Variants in PDS5B observed in about 807,000 individuals in gnomAD.
PDS5B encodes sister chromatid cohesion protein PDS5 homolog B.
In PDS5B, 51 loss-of-function variants were observed where a neutral mutation model predicts 184.1. That is an observed-to-expected ratio of 0.28 (90% CI 0.22 to 0.35). The LOEUF (loss-of-function observed/expected upper bound fraction) is 0.35, where lower values mean the gene tolerates loss of function less well. PDS5B is among the 10% of genes least tolerant of loss of function. The probability of loss-of-function intolerance (pLI) is 1.00; values close to 1 mark genes in which losing one functional copy is unlikely to be tolerated. For missense variants in PDS5B, 1,180 were observed against 1,723.3 expected (o/e 0.68, Z 5.58); for synonymous variants, 566 against 569.2 (o/e 0.99, Z 0.08).
intron 21 of PDS5B, among the ~76,000 whole-genome samples, chr13:32,735,868 A>T (rs1156419560): frequency 6.6e-6 from 1 of 152,138 alleles, no homozygotes; most frequent in Non-Finnish European, 1.5e-5. Flanking sequence ...AAGTAAACAT[A>T]ATATAAGTAG....
chr13:32,721,046 T>C (rs1300206494), intron 19 of PDS5B, among the ~76,000 whole-genome samples: 1 of 152,378 alleles, frequency 6.6e-6, no homozygotes, highest in East Asian at 1.9e-4. Flanking sequence ...TACTTCTTTC[T>C]ACACAGACAC....
chr13:32,720,298 G>A (rs553480313), intron 19 of PDS5B, among the ~76,000 whole-genome samples: 129 of 152,286 alleles, frequency 8.5e-4, no homozygotes, highest in Admixed American at 1.6e-3. Context: ...TTCCAACAAT[G>A]CTGTCTTGGT....
At chr13:32,620,789 G>A (rs2058289532) in intron 1 of PDS5B, among the ~76,000 whole-genome samples, 1 of 152,126 alleles carries the variant, frequency 6.6e-6, no homozygotes, top group Non-Finnish European at 1.5e-5. Context: ...GTCAGGTAAA[G>A]CTTTTCTTTT....
chr13:32,764,608 AT>A lies in PDS5B; in HGVS notation c.3624+16del, dbSNP rs1954524903. 1 of 1,389,048 alleles carries A rather than the reference AT, an allele frequency of 7.2e-7. No individual in the cohort carries two copies. The highest frequency in any genetic ancestry group is 1.5e-5 in the African/African-American group (1 of 68,618). 86.0% of individuals were successfully genotyped at this position (1,389,048 alleles called of 1,614,324 possible). On this transcript the variant is annotated intron_variant, in intron 31 of 34. Transcript: ENST00000315596. Reference sequence around the variant, plus strand: ...GATCTTGTAAGGGTGAGATATTTGCATTGATTTTATAATAATATTAATGATA... The same window carrying A: ...GATCTTGTAAGGGTGAGATATTTGCATGATTTTATAATAATATTAATGATA...
intron 10 of PDS5B, among the ~76,000 whole-genome samples, chr13:32,680,181 T>TG (rs957643971): frequency 6.6e-6 from 1 of 151,840 alleles, no homozygotes; most frequent in Admixed American, 6.6e-5. Flanking sequence ...TGATTAAGAG[T>TG]GGGGGGGCTA....
At chr13:32,599,914 CA>C (rs559279917) in intron 1 of PDS5B, among the ~76,000 whole-genome samples, 1 of 151,240 alleles carries the variant, frequency 6.6e-6, no homozygotes, top group Non-Finnish European at 1.5e-5. Flanking sequence ...GACTCTGTCT[CA>C]AAAAAAACAA....
chr13:32,640,652 G>A (rs1481100971), intron 1 of PDS5B, among the ~76,000 whole-genome samples: 1 of 152,088 alleles, frequency 6.6e-6, no homozygotes. Context: ...TTCTGAAAAT[G>A]CTTGTTTCAA....
chr13:32,767,438 TAAAAG>T (rs1954619803), intron 31 of PDS5B, among the ~76,000 whole-genome samples: 1 of 152,102 alleles, frequency 6.6e-6, no homozygotes, highest in African/African-American at 2.4e-5. Flanking sequence ...CTTAGAAAAA[TAAAAG>T]AAGCAATTGA....
Position 32,773,301 on chromosome 13 carries a change from G to A in PDS5B, c.4285G>A (p.Glu1429Lys). Residue 1429 changes from glutamate (E) to lysine (K), a missense_variant, in exon 34 of 35, where the codon GAG (glutamate) becomes AAG (lysine). Glu to Lys is a moderately conservative substitution (Grantham distance 56, BLOSUM62 1). Around this residue, in one of 11 missense-constraint regions of PDS5B, gnomAD observed 465 missense variants for 497.8 expected, o/e 0.93. Transcript: ENST00000315596. ...TGATATTCCACAGGAAGAAACAGAG[G>A]AGGAGGAAGTTTCTACAGTAAATGT... ...VDDIPQEETE[E>K]EEVSTVNVRR... 6.2e-7 allele frequency: 1 copy of A among 1,612,620 alleles called. No individual in the cohort carries two copies. The highest frequency in any genetic ancestry group is 8.5e-7 in the Non-Finnish European group (1 of 1,179,316).
intron 24 of PDS5B, among the ~76,000 whole-genome samples, 193 bp from the exon 25 acceptor site, chr13:32,753,139 T>TCC (rs1954046388): frequency 6.6e-6 from 1 of 152,206 alleles, no homozygotes; most frequent in Non-Finnish European, 1.5e-5. Flanking sequence ...CTGGTACTTA[T>TCC]TAGGGCCCAG....
chr13:32,689,686 C>T (rs1167408651), intron 13 of PDS5B: 2 of 152,106 alleles, frequency 1.3e-5, no homozygotes, highest in Non-Finnish European at 2.9e-5. Context: ...CTGCTTGGTT[C>T]CAAAGCTTGT....
At chr13:32,710,606 A>G (rs1028677626) in intron 19 of PDS5B, among the ~76,000 whole-genome samples, 6 of 152,228 alleles carry the variant, frequency 3.9e-5, no homozygotes, top group African/African-American at 1.4e-4. Context: ...ATCCTGGGAT[A>G]ATCATAGTTC....
intron 13 of PDS5B, among the ~76,000 whole-genome samples, chr13:32,692,814 T>C (rs1017667367): frequency 2.0e-5 from 3 of 152,216 alleles, no homozygotes; most frequent in Admixed American, 6.6e-5. Context: ...ATTGCCTTGC[T>C]GGTTAATACA....
At chr13:32,658,609 GT>G in intron 5 of PDS5B, 78 bp downstream of exon 5, 1 of 669,104 alleles carries the variant, frequency 1.5e-6, no homozygotes, top group Non-Finnish European at 2.6e-6. Context: ...TGCATAAACT[GT>G]TACAATGAAT....
intron 31 of PDS5B, among the ~76,000 whole-genome samples, chr13:32,768,397 C>CCCAAAGGCCCCATCT (rs1395503188): frequency 6.6e-6 from 1 of 152,144 alleles, no homozygotes; most frequent in Non-Finnish European, 1.5e-5. Context: ...CGAAATACCT[C>CCCAAAGGCCCCATCT]CCAAAGGCCC....
chr13:32,741,644 A>G (rs1953557706), intron 22 of PDS5B, among the ~76,000 whole-genome samples: 1 of 152,002 alleles, frequency 6.6e-6, no homozygotes, highest in Non-Finnish European at 1.5e-5. Context: ...GGCCAAAAAT[A>G]CATACATTAA....
intron 1 of PDS5B, among the ~76,000 whole-genome samples, chr13:32,614,228 G>GT (rs918932647): frequency 6.6e-6 from 1 of 151,658 alleles, no homozygotes; most frequent in African/African-American, 2.4e-5. Context: ...GAATTTCCAT[G>GT]TGAATTTTAG....
intron 13 of PDS5B, 195 bp downstream of exon 13, chr13:32,688,764 A>C (rs1951465691): frequency 2.1e-6 from 1 of 485,480 alleles, no homozygotes; most frequent in African/African-American, 1.9e-5. Flanking sequence ...CATTACAAGC[A>C]ATTGAAAAAT....
intron 15 of PDS5B, among the ~76,000 whole-genome samples, chr13:32,698,238 G>C (rs911301109): frequency 6.6e-6 from 1 of 151,726 alleles, no homozygotes. Flanking sequence ...ACCCCCTTTT[G>C]CTTTTTTTTT....
Sources: gnomAD v4.1 joint callset for allele counts (sites outside exome capture counted in the v4.1 genomes callset) on GRCh38, gnomAD v4.1.1 for gene constraint, gnomAD v4.1.1 regional missense constraint, MANE v1.5 for transcripts, NCBI Gene and HGNC (gene_info 2026-07-23, HGNC 2026-07-21) for gene names.